Variants in STEAP1B observed in about 807,000 individuals in gnomAD.
STEAP1B encodes STEAP family protein MGC87042.
In STEAP1B, 13 loss-of-function variants were observed where a neutral mutation model predicts 27.9. The ratio of observed to expected loss-of-function variants is 0.47; its 90% CI spans 0.30 to 0.74. The LOEUF is 0.74. Ranked by LOEUF, STEAP1B falls within the 30% of genes least tolerant of loss-of-function variation. The probability of loss-of-function intolerance (pLI) is 0.06; values close to 1 mark genes in which losing one functional copy is unlikely to be tolerated. For missense variants in STEAP1B, 250 were observed against 298.7 expected (o/e 0.84, Z 1.20); for synonymous variants, 86 against 107.1 (o/e 0.80, Z 1.22).
intron 4 of STEAP1B, among the ~76,000 whole-genome samples, chr7:22,428,862 A>G (rs1785143368): frequency 6.6e-6 from 1 of 152,160 alleles, no homozygotes; most frequent in South Asian, 2.1e-4. Flanking sequence ...ATGCTAGAAA[A>G]TCTTTTAATG....
chr7:22,455,762 T>C (rs1322748530), intron 4 of STEAP1B, among the ~76,000 whole-genome samples: 2 of 152,232 alleles, frequency 1.3e-5, no homozygotes, highest in African/African-American at 2.4e-5. Context: ...CACCAAGTCA[T>C]GGTGATATGC....
intron 4 of STEAP1B, among the ~76,000 whole-genome samples, chr7:22,477,257 A>T (rs1021562938): frequency 6.6e-6 from 1 of 152,124 alleles, no homozygotes; most frequent in Non-Finnish European, 1.5e-5. Context: ...TTTGACATTG[A>T]CTGTAAGATT....
intron 4 of STEAP1B, among the ~76,000 whole-genome samples, chr7:22,451,796 T>C (rs956199332): frequency 1.3e-5 from 2 of 152,354 alleles, no homozygotes; most frequent in Non-Finnish European, 1.5e-5. Flanking sequence ...TATTATTTTG[T>C]TGAGGATTTT....
intron 4 of STEAP1B, among the ~76,000 whole-genome samples, chr7:22,444,137 T>G (rs1160438280): frequency 6.6e-6 from 1 of 152,252 alleles, no homozygotes; most frequent in Admixed American, 6.5e-5. Flanking sequence ...TGGGTTTGAA[T>G]TCCAAATCTG....
chr7:22,475,577 C>T (rs911448979), intron 4 of STEAP1B, among the ~76,000 whole-genome samples: 8 of 152,226 alleles, frequency 5.3e-5, no homozygotes, highest in African/African-American at 1.9e-4. Flanking sequence ...GCTATGTTGC[C>T]CAGGCTGGTC....
At chr7:22,471,545 C>A (rs61262900) in intron 4 of STEAP1B, among the ~76,000 whole-genome samples, 48,468 of 151,962 alleles carry the variant, frequency 0.32, 8,356 homozygotes, top group African/African-American at 0.46. Flanking sequence ...AGATACTGTA[C>A]GAGAAATAGA....
rs566812529 is a variant in STEAP1B at position 22,463,962 on chromosome 7, T to G, written c.762+28603A>C. ...AAAGCCAAAATTGACAAATGGGATC[T>G]AATTAAACTAAAGAGCATCTGCACA... On this transcript the variant is annotated intron_variant, in intron 4 of 4. Transcript: ENST00000678116. 5.4e-3 allele frequency among the ~76,000 whole-genome samples: 827 copies of G among 151,908 alleles called. 5 individuals carry two copies. Among genetic ancestry groups the G allele is most frequent in the African/African-American group, 0.019 (796 of 41,368 alleles).
At chr7:22,471,700 G>T (rs1258151436) in intron 4 of STEAP1B, among the ~76,000 whole-genome samples, 3 of 152,002 alleles carry the variant, frequency 2.0e-5, no homozygotes, top group Admixed American at 2.0e-4. Flanking sequence ...TCAGGAGTTC[G>T]AAAGCAGCCT....
At chr7:22,427,193 G>C (rs562768695) in intron 4 of STEAP1B, among the ~76,000 whole-genome samples, 1 of 152,218 alleles carries the variant, frequency 6.6e-6, no homozygotes. Context: ...TGCAGGATGA[G>C]TTAACGTGTA....
intron 4 of STEAP1B, among the ~76,000 whole-genome samples, chr7:22,424,669 G>T (rs1001255386): frequency 1.3e-5 from 2 of 152,024 alleles, no homozygotes; most frequent in African/African-American, 4.8e-5. Flanking sequence ...AATTTAGGAT[G>T]TGGAAAAAAC....
chr7:22,419,972 GGCAAA>G (rs1785024969), intron 4 of STEAP1B, 136 bp from the exon 5 acceptor site: 1 of 998,994 alleles, frequency 1.0e-6, no homozygotes, highest in African/African-American at 1.7e-5. Flanking sequence ...AGGGAGTCAG[GGCAAA>G]GCTAGGCCTA....
rs1381671601 is a variant in STEAP1B at position 22,456,965 on chromosome 7, TATATATA to T, written c.762+35593_762+35599del. Among the ~76,000 whole-genome samples, 15 of 54,482 alleles carry T rather than the reference TATATATA, an allele frequency of 2.8e-4. 2 individuals are homozygous for T. The highest frequency in any genetic ancestry group is 1.6e-3 in the East Asian group (2 of 1,250). The allele number at this position is 54,482 out of a possible 152,430, so 35.7% of individuals were successfully genotyped here. On this transcript the variant is annotated intron_variant, in intron 4 of 4. Transcript: ENST00000678116. ...TGGGATAGGCAGCTATATATATATA[TATATATA>T]TTTTTTTTTTTTTTAAGTATCCTGG...
At chr7:22,440,016 T>C (rs2128401739) in intron 4 of STEAP1B, among the ~76,000 whole-genome samples, 1 of 152,342 alleles carries the variant, frequency 6.6e-6, no homozygotes, top group African/African-American at 2.4e-5. Context: ...CCTACGCCTT[T>C]TGAAATAATT....
chr7:22,419,836 C>G lies in STEAP1B; in HGVS notation c.763G>C (p.Val255Leu). Residue 255 changes from valine (V) to leucine (L), a missense_variant and splice_region_variant, in exon 5 of 5, where the codon GTA becomes CTA. Transcript: ENST00000678116. ...LTWREFHYIQ[V>L]HGRINFLTL The stretch of plus-strand genomic sequence containing the variant: ...GTCAGGAAGTTGATCCTACCATGTA[C>G]CTGGAAGGCAGACAGCAAGAAAGAG... 1.3e-6 allele frequency: 2 copies of G among 1,549,512 alleles called. No homozygotes were observed. Among genetic ancestry groups the G allele is most frequent in the Non-Finnish European group, 1.7e-6 (2 of 1,145,762 alleles).
At chr7:22,423,677 G>A (rs1227439907) in intron 4 of STEAP1B, among the ~76,000 whole-genome samples, 5 of 152,186 alleles carry the variant, frequency 3.3e-5, no homozygotes. Context: ...ATGTTTTAAA[G>A]TTAGATTGTG....
Position 22,464,935 on chromosome 7 carries a change from CAGTACCAAACCCCATATAT to C in STEAP1B, c.762+27611_762+27629del, listed in dbSNP as rs1785747323. Among the ~76,000 whole-genome samples, 5 of 16,118 alleles carry C rather than the reference CAGTACCAAACCCCATATAT, an allele frequency of 3.1e-4. 2 individuals are homozygous for C. The highest frequency in any genetic ancestry group is 5.8e-4 in the African/African-American group (5 of 8,590). The allele number at this position is 16,118 out of a possible 152,430, so 10.6% of individuals were successfully genotyped here. ...CCCAGTGGATACCCGAAACCACAGA[CAGTACCAAACCCCATATAT>C]ATATATATATGTAGGCACAATAAGA... is the stretch of plus-strand genomic sequence containing the variant. On this transcript the variant is annotated intron_variant, in intron 4 of 4. Coordinates refer to ENST00000678116, the MANE Select transcript of STEAP1B (RefSeq NM_001382447.1).
At chr7:22,433,887 G>A (rs539004996) in intron 4 of STEAP1B, among the ~76,000 whole-genome samples, 56 of 152,266 alleles carry the variant, frequency 3.7e-4, no homozygotes, top group African/African-American at 1.2e-3. Context: ...CACCGATCAC[G>A]TTCTCCTTTG....
In STEAP1B at chr7:22,484,165, A is replaced by G. The variant is rs115232011; in HGVS notation, c.762+8400T>C. Reference sequence around the variant, plus strand: ...AATATCTAGCTAGGATCATTGAAGCAGGTGGCTACACTAAGCAGAATTTCA... The same window carrying G: ...AATATCTAGCTAGGATCATTGAAGCGGGTGGCTACACTAAGCAGAATTTCA... On this transcript the variant is annotated intron_variant, in intron 4 of 4. Transcript: ENST00000678116. Among the ~76,000 whole-genome samples, 372 of 152,370 alleles carry G rather than the reference A, an allele frequency of 2.4e-3. 2 individuals carry two copies. Among genetic ancestry groups the G allele is most frequent in the African/African-American group, 8.6e-3 (356 of 41,586 alleles).
chr7:22,421,561 G>A (rs1785043202), intron 4 of STEAP1B, among the ~76,000 whole-genome samples: 1 of 152,162 alleles, frequency 6.6e-6, no homozygotes, highest in African/African-American at 2.4e-5. Flanking sequence ...TTGCCTGCAG[G>A]CACAGCTAAG....
Sources: allele counts gnomAD v4.1 joint callset (sites outside exome capture counted in the v4.1 genomes callset), GRCh38; gene constraint gnomAD v4.1.1; transcripts MANE v1.5; gene names NCBI Gene and HGNC (gene_info 2026-07-23, HGNC 2026-07-21).